SEMA5B: variants seen among roughly 807,000 people sequenced by gnomAD.
The protein encoded by SEMA5B is semaphorin 5B.
SEMA5B carries 66 observed loss-of-function variants against 135.0 expected under a neutral mutation model. The ratio of observed to expected loss-of-function variants is 0.49; its 90% CI spans 0.40 to 0.60. The LOEUF is 0.60. Among genes scored for constraint, SEMA5B ranks in the 20% least tolerant of loss-of-function variants. SEMA5B has a pLI of 0.00. For synonymous variants in SEMA5B, 690 were observed against 639.5 expected, an observed-to-expected ratio of 1.08 and a Z score of -1.19; for missense variants, 1,501 against 1,566.3, an observed-to-expected ratio of 0.96 and a Z score of 0.70.
chr3:122,911,867 T>A lies in SEMA5B; in HGVS notation c.3046+53A>T. 2 of 1,531,642 alleles carry A rather than the reference T, an allele frequency of 1.3e-6. 1 individual carries two copies. Among genetic ancestry groups the A allele is most frequent in the Middle Eastern group, 3.6e-4 (2 of 5,626 alleles). 94.9% of individuals were successfully genotyped at this position (1,531,642 alleles called of 1,614,324 possible). A position where few individuals can be genotyped will look rare whatever the true frequency, so the allele number is the denominator to read the frequency against. On this transcript the variant is annotated intron_variant, in intron 20 of 22. Coordinates refer to ENST00000357599, the MANE Select transcript of SEMA5B (RefSeq NM_001031702.4). The stretch of plus-strand genomic sequence containing the variant: ...ACAAGCTTCAGAAGGAGAAGGAAGT[T>A]GGGAGTGCAGGCTGGGAAGGGTTGC...
At chr3:122,948,821 G>A in intron 2 of SEMA5B, 112 bp from the exon 3 acceptor site, 1 of 851,006 alleles carries the variant, frequency 1.2e-6, no homozygotes, top group Non-Finnish European at 1.8e-6. Context: ...AATTTCTATT[G>A]TATTTATGTT....
At chr3:122,926,698 C>T (rs1193520252) in intron 8 of SEMA5B, 21 bp from the exon 9 acceptor site, 1 of 1,607,206 alleles carries the variant, frequency 6.2e-7, no homozygotes, top group Admixed American at 1.7e-5. Context: ...AGAAGAGGAA[C>T]AAGGGGCAGG....
chr3:122,978,054 C>A (rs7652165), intron 1 of SEMA5B, among the ~76,000 whole-genome samples: 1 of 151,908 alleles, frequency 6.6e-6, no homozygotes, highest in Non-Finnish European at 1.5e-5. Flanking sequence ...ATGGCAGATG[C>A]GGAACCAGCC....
Position 122,913,894 on chromosome 3 carries a change from C to G in SEMA5B, c.2096G>C (p.Gly699Ala), listed in dbSNP as rs1322650820. The change falls in exon 15 of 23, where the codon GGG becomes GCG. Residue 699 changes from glycine to alanine, a missense_variant. By Grantham distance (60) the Gly-to-Ala change is moderately conservative (BLOSUM62 0). Around this residue, in one of 2 missense-constraint regions of SEMA5B, gnomAD observed 927 missense variants for 881.6 expected, o/e 1.05. Transcript: ENST00000357599. ...GCTCTTGCCCACGCAGATGCGGCCC[C>G]CGTGGCGGGGAGCAGGGTTGCTGCA... is the stretch of plus-strand genomic sequence containing the variant. ...RSCSNPAPRH[G>A]GRICVGKSRE... 5.6e-6 allele frequency: 9 copies of G among 1,612,496 alleles called. No homozygotes were observed. Among genetic ancestry groups the G allele is most frequent in the Non-Finnish European group, 7.6e-6 (9 of 1,179,458 alleles).
At chr3:123,006,734 G>A (rs1446367219) in intron 1 of SEMA5B, among the ~76,000 whole-genome samples, 2 of 152,048 alleles carry the variant, frequency 1.3e-5, no homozygotes, top group Non-Finnish European at 2.9e-5. Context: ...GTTGAGCAAC[G>A]GCCAGGCCTG....
intron 1 of SEMA5B, among the ~76,000 whole-genome samples, chr3:123,023,148 G>A (rs1395449133): frequency 1.3e-5 from 2 of 152,186 alleles, no homozygotes; most frequent in African/African-American, 4.8e-5. Flanking sequence ...GCTCAATTCT[G>A]TCAATTCAAT....
At chr3:122,972,456 G>C (rs1941160599) in intron 1 of SEMA5B, among the ~76,000 whole-genome samples, 1 of 152,162 alleles carries the variant, frequency 6.6e-6, no homozygotes, top group South Asian at 2.1e-4. Flanking sequence ...GCAAAACTCA[G>C]CCTGGATCAG....
chr3:123,008,037 T>G (rs758248225), intron 1 of SEMA5B, among the ~76,000 whole-genome samples: 9 of 152,234 alleles, frequency 5.9e-5, no homozygotes, highest in Non-Finnish European at 1.3e-4. Context: ...TAATGAGGAA[T>G]AGCAAATCTG....
intron 22 of SEMA5B, among the ~76,000 whole-genome samples, 180 bp downstream of exon 22, chr3:122,910,660 A>C (rs1389470916): frequency 2.6e-5 from 4 of 151,760 alleles, no homozygotes; most frequent in Non-Finnish European, 5.9e-5. Context: ...AATACAAAAA[A>C]TTAGCCGGGC....
chr3:122,962,655 A>T (rs1940637671), intron 1 of SEMA5B, among the ~76,000 whole-genome samples: 2 of 152,244 alleles, frequency 1.3e-5, no homozygotes. Context: ...TTCCTAAAAT[A>T]GGATTTACAC....
chr3:123,001,225 C>A (rs1480071259), intron 1 of SEMA5B, among the ~76,000 whole-genome samples: 3 of 152,146 alleles, frequency 2.0e-5, no homozygotes, highest in African/African-American at 7.2e-5. Flanking sequence ...ACCACAGCAT[C>A]CCCACCCTCT....
chr3:122,970,449 G>C (rs991097582), intron 1 of SEMA5B, among the ~76,000 whole-genome samples: 3 of 152,158 alleles, frequency 2.0e-5, no homozygotes, highest in Admixed American at 2.0e-4. Flanking sequence ...TGCAATTCTA[G>C]CAAGTTCCCA....
intron 5 of SEMA5B, among the ~76,000 whole-genome samples, chr3:122,929,778 T>C (rs968844820): frequency 5.9e-5 from 9 of 152,180 alleles, no homozygotes; most frequent in African/African-American, 1.9e-4. Context: ...CGTGGGGTAA[T>C]GTGTCTGGGG....
chr3:122,974,188 G>A (rs1018707392), intron 1 of SEMA5B, among the ~76,000 whole-genome samples: 4 of 152,202 alleles, frequency 2.6e-5, no homozygotes, highest in African/African-American at 9.6e-5. Flanking sequence ...GTGGAGGCTG[G>A]GAGAAAGAAC....
At chr3:122,980,893 A>C (rs571305601) in intron 1 of SEMA5B, among the ~76,000 whole-genome samples, 1 of 152,228 alleles carries the variant, frequency 6.6e-6, no homozygotes, top group South Asian at 2.1e-4. Flanking sequence ...TAGGTTCTTC[A>C]TGTAAGCAGA....
At chr3:122,974,364 C>G (rs1941237226) in intron 1 of SEMA5B, among the ~76,000 whole-genome samples, 1 of 152,230 alleles carries the variant, frequency 6.6e-6, no homozygotes, top group Non-Finnish European at 1.5e-5. Flanking sequence ...CACTACTGCC[C>G]CAGACATAGG....
Position 122,948,452 on chromosome 3 carries a change from G to A in SEMA5B, c.328+54C>T, listed in dbSNP as rs116739445. The A allele has an allele frequency of 1.1e-3, 1,693 of 1,487,548 alleles. 19 individuals carry two copies. The African/African-American group carries it at 0.019, about 17-fold the overall frequency. The allele number at this position is 1,487,548 out of a possible 1,614,324, so 92.1% of individuals were successfully genotyped here. ...AACATCCTGCCAAGGTCTGACCTAA[G>A]TCCTTCAGGACACGGCCATTGCAAG... is the stretch of plus-strand genomic sequence containing the variant. On this transcript the variant is annotated intron_variant, in intron 3 of 22. Coordinates refer to ENST00000357599, the MANE Select transcript of SEMA5B (RefSeq NM_001031702.4).
intron 12 of SEMA5B, among the ~76,000 whole-genome samples, chr3:122,918,059 C>T (rs1318927726): frequency 6.6e-6 from 1 of 152,162 alleles, no homozygotes. Context: ...GGGCATCAAC[C>T]TCTTACAGGC....
intron 1 of SEMA5B, among the ~76,000 whole-genome samples, chr3:123,019,737 T>C (rs975630022): frequency 2.6e-5 from 4 of 152,148 alleles, no homozygotes; most frequent in Non-Finnish European, 5.9e-5. Flanking sequence ...TGGAAGGCAT[T>C]GAGTGTTATG....
Sources: gnomAD v4.1 joint callset for allele counts (sites outside exome capture counted in the v4.1 genomes callset) on GRCh38, gnomAD v4.1.1 for gene constraint, gnomAD v4.1.1 regional missense constraint, MANE v1.5 for transcripts, NCBI Gene and HGNC (gene_info 2026-07-23, HGNC 2026-07-21) for gene names.